Variants in NXPE2 observed in about 807,000 individuals in gnomAD.
NXPE2 encodes the protein NXPE family member 2.
A neutral mutation model predicts 34.4 loss-of-function variants in NXPE2; 34 were observed. The observed-to-expected ratio is 0.99, with a 90% confidence interval of 0.75 to 1.31. The LOEUF is 1.31. NXPE2 is among the 40% of genes most tolerant of loss of function. The probability of loss-of-function intolerance (pLI) is 0.00; values close to 1 mark genes in which losing one functional copy is unlikely to be tolerated. For synonymous variants in NXPE2, 235 were observed against 231.3 expected (o/e 1.02, Z -0.15); for missense variants, 649 against 672.5 (o/e 0.97, Z 0.39).
the NXPE2 span, among the ~76,000 whole-genome samples, chr11:114,552,629 C>T: frequency 6.6e-6 from 1 of 151,962 alleles, no homozygotes; most frequent in Non-Finnish European, 1.5e-5. Flanking sequence ...CTCCTGCCCC[C>T]GAGACTGATC....
At chr11:114,701,869 T>A (rs909281297) in intron 3 of NXPE2, among the ~76,000 whole-genome samples, 1 of 152,218 alleles carries the variant, frequency 6.6e-6, no homozygotes, top group African/African-American at 2.4e-5. Flanking sequence ...ACCTAATATA[T>A]GGAGAGCTGA....
the NXPE2 span, among the ~76,000 whole-genome samples, chr11:114,653,649 T>C: frequency 6.7e-6 from 1 of 148,716 alleles, no homozygotes; most frequent in Non-Finnish European, 1.5e-5. Flanking sequence ...TGCCTTAGCC[T>C]CCCGAGTAGC....
At chr11:114,767,890 T>A in the NXPE2 span, among the ~76,000 whole-genome samples, 1 of 152,192 alleles carries the variant, frequency 6.6e-6, no homozygotes, top group African/African-American at 2.4e-5. Flanking sequence ...TGGGTTTACA[T>A]CTTTCTTCTG....
At chr11:114,807,399 A>G in the NXPE2 span, among the ~76,000 whole-genome samples, 6 of 152,342 alleles carry the variant, frequency 3.9e-5, no homozygotes, top group African/African-American at 1.4e-4. Flanking sequence ...AGACTGGCAA[A>G]TTGGATAAAG....
the NXPE2 span, among the ~76,000 whole-genome samples, chr11:114,577,840 G>A: frequency 6.6e-6 from 1 of 152,244 alleles, no homozygotes. Context: ...ATTATATTCT[G>A]TACTTCTGTG....
At chr11:114,637,213 A>T in the NXPE2 span, among the ~76,000 whole-genome samples, 4 of 151,932 alleles carry the variant, frequency 2.6e-5, no homozygotes, top group African/African-American at 9.6e-5. Context: ...TTTACCATTA[A>T]GTAATGGCCT....
At chr11:114,618,871 C>T in the NXPE2 span, among the ~76,000 whole-genome samples, 3 of 151,880 alleles carry the variant, frequency 2.0e-5, no homozygotes, top group Admixed American at 6.6e-5. Flanking sequence ...TAAGTATTGC[C>T]TCATGGGTCA....
At chr11:114,553,525 A>G in the NXPE2 span, among the ~76,000 whole-genome samples, 4 of 152,182 alleles carry the variant, frequency 2.6e-5, no homozygotes, top group Non-Finnish European at 5.9e-5. Flanking sequence ...AGTTTTGGAA[A>G]TTTATTAACC....
the NXPE2 span, among the ~76,000 whole-genome samples, chr11:114,790,238 C>A: frequency 6.6e-6 from 1 of 152,172 alleles, no homozygotes; most frequent in South Asian, 2.1e-4. Flanking sequence ...AAACAAGGGT[C>A]AATAGACACA....
the NXPE2 span, among the ~76,000 whole-genome samples, chr11:114,628,165 T>A: frequency 7.0e-6 from 1 of 143,856 alleles, no homozygotes; most frequent in Non-Finnish European, 1.5e-5. Context: ...CTGCACCAAG[T>A]GGACCTAATA....
At chr11:114,530,131 C>T in the NXPE2 span, 1 of 1,538,960 alleles carries the variant, frequency 6.5e-7, no homozygotes, top group African/African-American at 1.4e-5. Context: ...GACTGGGGCA[C>T]TTCTCAGGGG....
At chr11:114,572,176 C>A in the NXPE2 span, among the ~76,000 whole-genome samples, 2 of 152,110 alleles carry the variant, frequency 1.3e-5, no homozygotes, top group African/African-American at 4.8e-5. Context: ...GGGGATTAAA[C>A]CACATCAAGG....
the NXPE2 span, among the ~76,000 whole-genome samples, chr11:114,765,337 T>C: frequency 5.3e-5 from 8 of 152,252 alleles, no homozygotes; most frequent in Non-Finnish European, 1.0e-4. Flanking sequence ...ATACTGTGTG[T>C]AGCAAGTCTA....
the NXPE2 span, chr11:114,583,824 G>C: frequency 2.4e-6 from 1 of 421,946 alleles, no homozygotes; most frequent in South Asian, 1.9e-5. Flanking sequence ...TATATTACAG[G>C]CTAGGCCAGG....
At chr11:114,786,913 A>G in the NXPE2 span, among the ~76,000 whole-genome samples, 1 of 152,078 alleles carries the variant, frequency 6.6e-6, no homozygotes, top group Non-Finnish European at 1.5e-5. Context: ...ATTCACCCAC[A>G]TTGCACTCTG....
chr11:114,789,492 T>C, the NXPE2 span, among the ~76,000 whole-genome samples: 1 of 152,190 alleles, frequency 6.6e-6, no homozygotes, highest in Non-Finnish European at 1.5e-5. Context: ...AAAACCAGCA[T>C]TTATTGAACA....
chr11:114,494,789 G>A, the NXPE2 span, among the ~76,000 whole-genome samples: 3 of 152,240 alleles, frequency 2.0e-5, no homozygotes, highest in Admixed American at 6.5e-5. Context: ...GCATTGAAGA[G>A]TTAGGTATTT....
the NXPE2 span, among the ~76,000 whole-genome samples, chr11:114,479,208 A>T: frequency 1.3e-5 from 2 of 152,182 alleles, no homozygotes; most frequent in African/African-American, 4.8e-5. Context: ...ATTAGTCCCA[A>T]TACTTTCCTT....
chr11:114,577,372 G>C, the NXPE2 span, among the ~76,000 whole-genome samples: 2 of 151,770 alleles, frequency 1.3e-5, no homozygotes, highest in Admixed American at 6.6e-5. Flanking sequence ...GCTTAAGAAT[G>C]ATACAGTGGA....
Sources: allele counts gnomAD v4.1 joint callset (sites outside exome capture counted in the v4.1 genomes callset), GRCh38; gene constraint gnomAD v4.1.1; transcripts MANE v1.5; gene names NCBI Gene and HGNC (gene_info 2026-07-23, HGNC 2026-07-21).